The following WDFY3 variants were observed in gnomAD, a reference collection of about 807,000 sequenced individuals.
The protein encoded by WDFY3 is WD repeat and FYVE domain-containing protein 3.
WDFY3 carries 66 observed loss-of-function variants against 409.6 expected under a neutral mutation model. The ratio of observed to expected loss-of-function variants is 0.16; its 90% confidence interval spans 0.13 to 0.20. WDFY3 has a LOEUF of 0.20. Ranked by LOEUF, WDFY3 falls within the 10% of genes least tolerant of loss-of-function variation. WDFY3 has a pLI of 1.00. For missense variants in WDFY3, 3,031 were observed against 4,298.1 expected (o/e 0.71, Z 8.24); for synonymous variants, 1,521 against 1,537.1 (o/e 0.99, Z 0.25).
At chr4:84,879,332 A>G (rs1436635675) in intron 3 of WDFY3, 1 of 152,214 alleles carries the variant, frequency 6.6e-6, no homozygotes, top group Non-Finnish European at 1.5e-5. Flanking sequence ...TCTTAAAGCA[A>G]TGTGAACACA....
intron 23 of WDFY3, among the ~76,000 whole-genome samples, 179 bp downstream of exon 23, chr4:84,787,303 T>A (rs1396340780): frequency 6.6e-6 from 1 of 152,152 alleles, no homozygotes; most frequent in Non-Finnish European, 1.5e-5. Flanking sequence ...ATCCAGAAAG[T>A]GCAGTATAAT....
intron 8 of WDFY3, among the ~76,000 whole-genome samples, chr4:84,830,570 A>G (rs1755565169): frequency 6.6e-6 from 1 of 152,204 alleles, no homozygotes; most frequent in Non-Finnish European, 1.5e-5. Flanking sequence ...GCATCTGTGT[A>G]TATACCAAAT....
intron 62 of WDFY3, 116 bp from the exon 63 acceptor site, chr4:84,684,241 G>T: frequency 1.0e-6 from 1 of 965,562 alleles, no homozygotes; most frequent in Non-Finnish European, 1.4e-6. Context: ...CCTAAGACTA[G>T]TGGCTAATTT....
At chr4:84,843,243 CA>C (rs1340909515) in intron 5 of WDFY3, among the ~76,000 whole-genome samples, 1 of 152,108 alleles carries the variant, frequency 6.6e-6, no homozygotes, top group Non-Finnish European at 1.5e-5. Flanking sequence ...AGGGAGATTC[CA>C]AACTCCATCG....
intron 2 of WDFY3, among the ~76,000 whole-genome samples, chr4:84,922,827 C>T (rs1232034418): frequency 6.6e-6 from 1 of 152,048 alleles, no homozygotes; most frequent in Non-Finnish European, 1.5e-5. Flanking sequence ...GCCAGTGATC[C>T]CCCTGCCTCA....
chr4:84,821,722 A>C (rs1433346276), intron 10 of WDFY3, among the ~76,000 whole-genome samples, 171 bp from the exon 11 acceptor site: 1 of 152,236 alleles, frequency 6.6e-6, no homozygotes, highest in African/African-American at 2.4e-5. Context: ...AAATCATTTA[A>C]TTAAAAATAA....
At chr4:84,747,410 T>G (rs1739656787) in intron 36 of WDFY3, among the ~76,000 whole-genome samples, 1 of 152,180 alleles carries the variant, frequency 6.6e-6, no homozygotes, top group South Asian at 2.1e-4. Flanking sequence ...TACTTTGTGG[T>G]GCTCTCTTTG....
chr4:84,951,784 C>T (rs960614963), intron 1 of WDFY3, among the ~76,000 whole-genome samples: 3 of 152,132 alleles, frequency 2.0e-5, no homozygotes, highest in Non-Finnish European at 2.9e-5. Flanking sequence ...TGCCAGATGA[C>T]ATCAGGATAG....
At chr4:84,849,753 A>AATGTGAC in intron 5 of WDFY3, 149 bp downstream of exon 5, 1 of 1,120,032 alleles carries the variant, frequency 8.9e-7, no homozygotes, top group South Asian at 1.6e-5. Flanking sequence ...CCAGGAAAAG[A>AATGTGAC]ATGTGACTCT....
intron 4 of WDFY3, among the ~76,000 whole-genome samples, chr4:84,851,819 G>C (rs894234911): frequency 6.6e-6 from 1 of 151,958 alleles, no homozygotes; most frequent in Admixed American, 6.6e-5. Flanking sequence ...CTGAAACCAC[G>C]GATAGTACCA....
At chr4:84,696,704 C>T (rs1451122137) in intron 57 of WDFY3, 28 bp downstream of exon 57, 3 of 1,604,946 alleles carry the variant, frequency 1.9e-6, no homozygotes, top group Admixed American at 1.7e-5. Context: ...TGAAATTCAA[C>T]TTCAATTGTA....
intron 1 of WDFY3, among the ~76,000 whole-genome samples, chr4:84,951,342 G>A (rs931745082): frequency 1.3e-5 from 2 of 152,098 alleles, no homozygotes; most frequent in Non-Finnish European, 2.9e-5. Flanking sequence ...GCTTTCCTTT[G>A]TAACAGAAGT....
At chr4:84,867,892 C>T (rs781418301) in intron 3 of WDFY3, among the ~76,000 whole-genome samples, 42 of 151,862 alleles carry the variant, frequency 2.8e-4, no homozygotes, top group Non-Finnish European at 5.0e-4. Context: ...CAATTCCTGC[C>T]GGGCGCAGTG....
intron 56 of WDFY3, 139 bp from the exon 57 acceptor site, chr4:84,696,962 A>T: frequency 1.5e-6 from 1 of 664,182 alleles, no homozygotes; most frequent in Non-Finnish European, 2.5e-6. Flanking sequence ...GACTTCAGAG[A>T]TTATCAACTC....
chr4:84,780,341 T>G (rs766345728), intron 25 of WDFY3, 43 bp from the exon 26 acceptor site: 2 of 1,565,096 alleles, frequency 1.3e-6, no homozygotes, highest in Non-Finnish European at 1.7e-6. Context: ...AAATTCCCCA[T>G]GTGAACAAGA....
intron 12 of WDFY3, among the ~76,000 whole-genome samples, chr4:84,819,236 G>A (rs866457034): frequency 3.7e-4 from 56 of 151,980 alleles, no homozygotes; most frequent in African/African-American, 1.2e-3. Context: ...CTAGGTGTTA[G>A]AATAATCTAA....
At chr4:84,841,564 G>C (rs1327571662) in intron 5 of WDFY3, among the ~76,000 whole-genome samples, 1 of 152,174 alleles carries the variant, frequency 6.6e-6, no homozygotes, top group Non-Finnish European at 1.5e-5. Context: ...GTACATGTTT[G>C]TCCAGGAAGT....
At chr4:84,893,867 G>GT (rs1765255915) in intron 3 of WDFY3, among the ~76,000 whole-genome samples, 1 of 152,042 alleles carries the variant, frequency 6.6e-6, no homozygotes, top group African/African-American at 2.4e-5. Flanking sequence ...GCCAGCGCCT[G>GT]TAATCCCAGC....
chr4:84,817,708 ACC>A, intron 12 of WDFY3, 123 bp from the exon 13 acceptor site: 1 of 893,072 alleles, frequency 1.1e-6, no homozygotes. Flanking sequence ...AATAAAACCT[ACC>A]CAACTATTTC....
Sources: gnomAD v4.1 joint callset for allele counts (sites outside exome capture counted in the v4.1 genomes callset) on GRCh38, gnomAD v4.1.1 for gene constraint, MANE v1.5 for transcripts, NCBI Gene and HGNC (gene_info 2026-07-23, HGNC 2026-07-21) for gene names.